The following GABRB1 variants were observed in gnomAD, a reference collection of about 807,000 sequenced individuals.
The protein encoded by GABRB1 is gamma-aminobutyric acid receptor subunit beta-1.
GABRB1 carries 17 observed loss-of-function variants against 51.6 expected under a neutral mutation model. That is an observed-to-expected ratio of 0.33 (90% CI 0.23 to 0.49). The LOEUF (loss-of-function observed/expected upper bound fraction) is 0.49, where lower values mean the gene tolerates loss of function less well. Ranked by LOEUF, GABRB1 falls within the 20% of genes least tolerant of loss-of-function variation. GABRB1 has a pLI of 0.99. For synonymous variants in GABRB1, 247 were observed against 218.9 expected, an observed-to-expected ratio of 1.13 and a Z score of -1.14; for missense variants, 410 against 600.6, an observed-to-expected ratio of 0.68 and a Z score of 3.32.
chr4:47,324,631 C>G (rs1292640967), intron 5 of GABRB1, among the ~76,000 whole-genome samples: 1 of 152,198 alleles, frequency 6.6e-6, no homozygotes, highest in African/African-American at 2.4e-5. Flanking sequence ...TCAGAAAGGT[C>G]ACAAAGGACC....
At chr4:47,095,410 G>A (rs994352907) in intron 3 of GABRB1, among the ~76,000 whole-genome samples, 26 of 152,108 alleles carry the variant, frequency 1.7e-4, no homozygotes, top group African/African-American at 5.8e-4. Flanking sequence ...GAGAGGAAAA[G>A]TACTGTCCCT....
intron 3 of GABRB1, among the ~76,000 whole-genome samples, chr4:47,130,339 G>A (rs913720949): frequency 9.5e-6 from 1 of 105,496 alleles, no homozygotes; most frequent in Non-Finnish European, 2.2e-5. Flanking sequence ...GTGTGTGTGT[G>A]TGTGTGTGTG....
At chr4:47,375,774 A>G (rs1727354446) in intron 5 of GABRB1, among the ~76,000 whole-genome samples, 1 of 152,212 alleles carries the variant, frequency 6.6e-6, no homozygotes, top group East Asian at 1.9e-4. Flanking sequence ...GTCTCCCATT[A>G]TCCTCTATGT....
At chr4:47,205,300 C>A (rs1309034336) in intron 4 of GABRB1, among the ~76,000 whole-genome samples, 1 of 152,058 alleles carries the variant, frequency 6.6e-6, no homozygotes, top group African/African-American at 2.4e-5. Context: ...ACAAAAGTTG[C>A]CTCTTTCTTA....
chr4:47,114,822 G>A (rs1293160943), intron 3 of GABRB1, among the ~76,000 whole-genome samples: 3 of 152,170 alleles, frequency 2.0e-5, no homozygotes, highest in Non-Finnish European at 4.4e-5. Flanking sequence ...AGCACAGGAA[G>A]ACAGAATATA....
intron 5 of GABRB1, among the ~76,000 whole-genome samples, chr4:47,386,148 C>T (rs771858939): frequency 2.0e-5 from 3 of 152,152 alleles, no homozygotes; most frequent in Non-Finnish European, 4.4e-5. Context: ...GTGAAAGTTT[C>T]AGGCTTCTAA....
intron 5 of GABRB1, among the ~76,000 whole-genome samples, chr4:47,377,214 G>T (rs1258714502): frequency 6.6e-6 from 1 of 152,098 alleles, no homozygotes; most frequent in African/African-American, 2.4e-5. Context: ...CACAATATCC[G>T]CTCACTGCAA....
intron 8 of GABRB1, among the ~76,000 whole-genome samples, chr4:47,422,369 G>A (rs1243482663): frequency 6.6e-5 from 10 of 152,070 alleles, no homozygotes; most frequent in Non-Finnish European, 1.3e-4. Context: ...CCTTTGACCT[G>A]CAAACTTTTG....
intron 4 of GABRB1, among the ~76,000 whole-genome samples, chr4:47,319,802 C>G (rs549987468): frequency 6.6e-6 from 1 of 152,096 alleles, no homozygotes; most frequent in Non-Finnish European, 1.5e-5. Context: ...TCCATGAAAC[C>G]ATCTGGCCCT....
chr4:47,207,791 G>C (rs981141121), intron 4 of GABRB1, among the ~76,000 whole-genome samples: 2 of 40,566 alleles, frequency 4.9e-5, no homozygotes, highest in Non-Finnish European at 1.0e-4. Flanking sequence ...TCTGTAGCAT[G>C]GCTTGGAACT....
chr4:47,171,471 C>T (rs995905529), intron 4 of GABRB1, among the ~76,000 whole-genome samples: 1 of 152,086 alleles, frequency 6.6e-6, no homozygotes, highest in Admixed American at 6.6e-5. Flanking sequence ...GCAGGACTCT[C>T]ATCTTATTTC....
intron 4 of GABRB1, among the ~76,000 whole-genome samples, chr4:47,170,763 G>T (rs548587027): frequency 6.6e-6 from 1 of 152,102 alleles, no homozygotes. Context: ...ACAGCAGACC[G>T]TACATAAAGA....
chr4:47,128,393 T>C (rs1716260286), intron 3 of GABRB1, among the ~76,000 whole-genome samples: 1 of 151,752 alleles, frequency 6.6e-6, no homozygotes, highest in Non-Finnish European at 1.5e-5. Context: ...GAATAAAAAA[T>C]CCATGAATTA....
At chr4:47,321,442 C>A (rs997748490) in intron 5 of GABRB1, among the ~76,000 whole-genome samples, 1 of 152,010 alleles carries the variant, frequency 6.6e-6, no homozygotes, top group East Asian at 1.9e-4. Context: ...CTAGAATGAA[C>A]AAGAAAATTC....
At chr4:47,040,739 G>GA (rs1005140243) in intron 3 of GABRB1, among the ~76,000 whole-genome samples, 17 of 152,144 alleles carry the variant, frequency 1.1e-4, no homozygotes, top group African/African-American at 3.6e-4. Context: ...GATAGATCCT[G>GA]AAGCCCATAA....
At chr4:47,169,649 G>A (rs961316355) in intron 4 of GABRB1, among the ~76,000 whole-genome samples, 30 of 151,976 alleles carry the variant, frequency 2.0e-4, no homozygotes, top group African/African-American at 6.3e-4. Flanking sequence ...TTACAGGCAC[G>A]TGCCACCGCA....
intron 3 of GABRB1, among the ~76,000 whole-genome samples, chr4:47,134,975 A>C (rs1057262265): frequency 2.0e-5 from 3 of 152,068 alleles, no homozygotes; most frequent in African/African-American, 7.2e-5. Context: ...AATAAAATAA[A>C]ATTAGCCAGG....
At chr4:47,105,789 C>A (rs1056749539) in intron 3 of GABRB1, among the ~76,000 whole-genome samples, 1 of 152,070 alleles carries the variant, frequency 6.6e-6, no homozygotes, top group African/African-American at 2.4e-5. Flanking sequence ...TTCTCTGCCC[C>A]CAATATTCCT....
At chr4:47,057,698 C>G (rs542987694) in intron 3 of GABRB1, among the ~76,000 whole-genome samples, 1 of 152,318 alleles carries the variant, frequency 6.6e-6, no homozygotes, top group Admixed American at 6.5e-5. Context: ...CTCCTCATCT[C>G]TTAGGATTAG....
Sources: gnomAD v4.1 joint callset for allele counts (sites outside exome capture counted in the v4.1 genomes callset) on GRCh38, gnomAD v4.1.1 for gene constraint, MANE v1.5 for transcripts, NCBI Gene and HGNC (gene_info 2026-07-23, HGNC 2026-07-21) for gene names.